Variants in GPR158 observed in about 807,000 individuals in gnomAD.
The protein encoded by GPR158 is G protein-coupled receptor 158, also known as metabotropic glycine receptor.
GPR158 carries 30 observed loss-of-function variants against 78.2 expected under a neutral mutation model. The ratio of observed to expected loss-of-function variants is 0.38; its 90% CI spans 0.29 to 0.52. The LOEUF (loss-of-function observed/expected upper bound fraction) is 0.52. GPR158 is among the 20% of genes least tolerant of loss of function. GPR158 has a pLI of 0.83. For synonymous variants in GPR158, 581 were observed against 591.1 expected (o/e 0.98, Z 0.25); for missense variants, 1,463 against 1,523.5 (o/e 0.96, Z 0.66).
chr10:25,183,782 T>G (rs1852645376), intron 1 of GPR158, among the ~76,000 whole-genome samples: 1 of 152,228 alleles, frequency 6.6e-6, no homozygotes, highest in Non-Finnish European at 1.5e-5. Flanking sequence ...TTTCTCACCA[T>G]TTATGTCTTT....
rs149734633 is a variant in GPR158, at chr10:25,293,053, T to C, written c.1008+71896T>C. ...CACAAAAGTTATCTCTTGCTGTTAG[T>C]AGAAAATTGTCTTCTACTGTCCCTG... On this transcript the variant is annotated intron_variant, in intron 2 of 10. Transcript: ENST00000376351. Among the ~76,000 whole-genome samples the C allele has an allele frequency of 1.1e-4, 17 of 152,320 alleles. No individual in the cohort carries two copies. The East Asian group carries it at 2.9e-3, about 26-fold the overall frequency.
chr10:25,310,073 A>C (rs1854741629), intron 2 of GPR158, among the ~76,000 whole-genome samples: 1 of 152,144 alleles, frequency 6.6e-6, no homozygotes, highest in Non-Finnish European at 1.5e-5. Flanking sequence ...GAGTTATTTT[A>C]ATATAAGGTG....
intron 2 of GPR158, among the ~76,000 whole-genome samples, chr10:25,380,123 A>G (rs1344463921): frequency 6.6e-6 from 1 of 151,998 alleles, no homozygotes; most frequent in Non-Finnish European, 1.5e-5. Flanking sequence ...AGCACCTACT[A>G]TGTGTCATGC....
At chr10:25,352,778 C>T (rs1044436191) in intron 2 of GPR158, among the ~76,000 whole-genome samples, 1 of 152,008 alleles carries the variant, frequency 6.6e-6, no homozygotes, top group Admixed American at 6.6e-5. Context: ...TTGGTATCTA[C>T]ATCTGACTCA....
chr10:25,240,970 C>T (rs1853596361), intron 2 of GPR158, among the ~76,000 whole-genome samples: 1 of 152,070 alleles, frequency 6.6e-6, no homozygotes, highest in Admixed American at 6.5e-5. Flanking sequence ...AGATGGATTC[C>T]TCTTGTTTTC....
Position 25,598,221 on chromosome 10 carries a change from C to A in GPR158, c.2595C>A (p.Ser865Arg). The A allele has an allele frequency of 6.2e-7, 1 of 1,614,054 alleles. No individual in the cohort carries two copies. Among genetic ancestry groups the A allele is most frequent in the South Asian group, 1.1e-5 (1 of 91,066 alleles). ...KKLTQKLKED[S>R]EAESTESVPL... ...TAACACAAAAACTAAAAGAAGACAG[C>A]GAGGCTGAGTCCACGGAGTCGGTGC... Residue 865 changes from serine to arginine, a missense_variant, in exon 11 of 11, where the codon AGC becomes AGA. Physicochemically the swap from Ser to Arg is moderately radical, Grantham distance 110. Transcript: ENST00000376351.
intron 5 of GPR158, among the ~76,000 whole-genome samples, chr10:25,549,296 T>A (rs1836700723): frequency 6.6e-6 from 1 of 152,064 alleles, no homozygotes; most frequent in African/African-American, 2.4e-5. Flanking sequence ...TCCTCCCCCT[T>A]TTAGCTTCAA....
chr10:25,178,567 T>C (rs1323587465), intron 1 of GPR158, among the ~76,000 whole-genome samples: 1 of 152,130 alleles, frequency 6.6e-6, no homozygotes, highest in African/African-American at 2.4e-5. Flanking sequence ...GTTTAGAAAA[T>C]AGTTTGTTTC....
chr10:25,570,126 T>C (rs1002569000), intron 6 of GPR158, among the ~76,000 whole-genome samples: 13 of 152,228 alleles, frequency 8.5e-5, no homozygotes, highest in Non-Finnish European at 1.5e-4. Flanking sequence ...ATTACAACTT[T>C]CTGCTACAGA....
At chr10:25,524,156 C>T (rs576498136) in intron 5 of GPR158, among the ~76,000 whole-genome samples, 9 of 152,086 alleles carry the variant, frequency 5.9e-5, no homozygotes, top group African/African-American at 1.4e-4. Context: ...CATTAAAAGG[C>T]GTTCAAGAAC....
chr10:25,323,748 C>G (rs996767681), intron 2 of GPR158, among the ~76,000 whole-genome samples: 1 of 151,624 alleles, frequency 6.6e-6, no homozygotes, highest in Non-Finnish European at 1.5e-5. Flanking sequence ...AAACTCTTGG[C>G]CTCAAGTGAT....
At chr10:25,427,660 C>A (rs913448341) in intron 4 of GPR158, among the ~76,000 whole-genome samples, 1 of 152,014 alleles carries the variant, frequency 6.6e-6, no homozygotes, top group Non-Finnish European at 1.5e-5. Flanking sequence ...ACCATACCAC[C>A]TAGAAGTACT....
At chr10:25,419,993 C>G (rs1834724782) in intron 4 of GPR158, among the ~76,000 whole-genome samples, 1 of 152,094 alleles carries the variant, frequency 6.6e-6, no homozygotes, top group Non-Finnish European at 1.5e-5. Flanking sequence ...TTGCCCATTT[C>G]TTAATCAGGT....
At chr10:25,247,566 T>A (rs1422328288) in intron 2 of GPR158, among the ~76,000 whole-genome samples, 1 of 124,418 alleles carries the variant, frequency 8.0e-6, no homozygotes, top group Non-Finnish European at 1.6e-5. Context: ...ATATGCGGTG[T>A]TTGGTTTTTT....
At chr10:25,314,841 G>GTCATATATA (rs1564419457) in intron 2 of GPR158, among the ~76,000 whole-genome samples, 5 of 114,880 alleles carry the variant, frequency 4.4e-5, no homozygotes, top group South Asian at 5.8e-4. Flanking sequence ...ACATATACAC[G>GTCATATATA]TATATACATA....
chr10:25,279,967 G>GA (rs112979632), intron 2 of GPR158, among the ~76,000 whole-genome samples: 2,407 of 119,974 alleles, frequency 0.02, 31 homozygotes, highest in Middle Eastern at 0.1. Flanking sequence ...CCATTAAAAT[G>GA]AAAAAAAAAA....
intron 5 of GPR158, among the ~76,000 whole-genome samples, chr10:25,538,463 A>C (rs1836529759): frequency 6.6e-6 from 1 of 152,118 alleles, no homozygotes; most frequent in East Asian, 1.9e-4. Context: ...ATGTATGTAC[A>C]TATATATACA....
intron 2 of GPR158, among the ~76,000 whole-genome samples, chr10:25,289,762 A>T (rs1162778317): frequency 6.6e-6 from 1 of 152,220 alleles, no homozygotes; most frequent in Non-Finnish European, 1.5e-5. Context: ...AAACTGGTTG[A>T]AGTCCACAAA....
chr10:25,214,841 C>T (rs77107631), intron 1 of GPR158, among the ~76,000 whole-genome samples: 197 of 152,098 alleles, frequency 1.3e-3, no homozygotes, highest in African/African-American at 4.6e-3. Context: ...CAGAAGAAAG[C>T]AACTCTGCTG....
Sources: allele counts gnomAD v4.1 joint callset (sites outside exome capture counted in the v4.1 genomes callset), GRCh38; gene constraint gnomAD v4.1.1; transcripts MANE v1.5; gene names NCBI Gene and HGNC (gene_info 2026-07-23, HGNC 2026-07-21).